APOB: variants seen among roughly 807,000 people sequenced by gnomAD.
APOB encodes apolipoprotein B, also known as apolipoprotein B-100.
APOB carries 153 observed loss-of-function variants against 314.1 expected under a neutral mutation model. The ratio of observed to expected loss-of-function variants is 0.49; its 90% CI spans 0.43 to 0.56. The LOEUF (loss-of-function observed/expected upper bound fraction) is 0.56, where lower values mean the gene tolerates loss of function less well. Among genes scored for constraint, APOB ranks in the 20% least tolerant of loss-of-function variants. APOB has a pLI of 0.00. For synonymous variants in APOB, 2,087 were observed against 2,036.4 expected, an observed-to-expected ratio of 1.02 and a Z score of -0.67; for missense variants, 5,430 against 5,350.7, an observed-to-expected ratio of 1.01 and a Z score of -0.46.
chr2:21,043,380 G>T, intron 2 of APOB, 133 bp downstream of exon 2: 2 of 1,054,878 alleles, frequency 1.9e-6, no homozygotes, highest in Non-Finnish European at 2.9e-6. Context: ...CAGGGAACTT[G>T]CTTCCTGGGG....
Position 21,004,320 on chromosome 2 carries a change from A to G in APOB, c.12036T>C (p.Asp4012=), listed in dbSNP as rs758270864. Residue 4012 remains aspartate (D), a synonymous_variant, in exon 28 of 29, where the codon GAT becomes GAC. Coordinates refer to ENST00000233242, the MANE Select transcript of APOB (RefSeq NM_000384.3). ...ASPAVGTVGM[D]MDEDDDFSKW... is the part of the protein sequence containing the mutation. ...TAGAAAAGTCGTCATCTTCATCCAT[A>G]TCCATGCCCACGGTGCCTACGGCTG... 4 of 1,613,816 alleles carry G rather than the reference A, an allele frequency of 2.5e-6. No individual in the cohort carries two copies. In the South Asian group the frequency reaches 4.4e-5, roughly 18 times the overall value.
chr2:21,010,318 A>C lies in APOB; in HGVS notation c.6550T>G (p.Tyr2184Asp). 6.4e-7 allele frequency: 1 copy of C among 1,555,766 alleles called. No homozygotes were observed. The highest frequency in any genetic ancestry group is 1.2e-5 in the South Asian group (1 of 80,432). Residue 2184 changes from tyrosine to aspartate, a missense_variant, in exon 26 of 29, where the codon TAT becomes GAT. By Grantham distance (160) the Tyr-to-Asp change is radical. Around this residue, in one of 3 missense-constraint regions of APOB, gnomAD observed 3,281 missense variants for 3,171.0 expected, o/e 1.03. Coordinates refer to ENST00000233242, the MANE Select transcript of APOB (RefSeq NM_000384.3). The part of the protein sequence containing the change: ...LQTYMIQFDQ[Y>D]IKDSYDLHDL... ...TGTAAATCATAACTATCTTTAATAT[A>C]CTGATCAAATTGTATCATATATGTC...
At chr2:21,036,796 G>A (rs1456029038) in intron 6 of APOB, among the ~76,000 whole-genome samples, 2 of 152,182 alleles carry the variant, frequency 1.3e-5, no homozygotes, top group Non-Finnish European at 2.9e-5. Context: ...TCTCAGAGGT[G>A]AGTAGTCATT....
intron 17 of APOB, 91 bp downstream of exon 17, chr2:21,023,434 G>T: frequency 6.8e-7 from 1 of 1,469,390 alleles, no homozygotes; most frequent in South Asian, 1.1e-5. Flanking sequence ...TTGTCTTGAA[G>T]TGGAAACACA....
intron 12 of APOB, 42 bp from the exon 13 acceptor site, chr2:21,028,580 A>T: frequency 7.5e-7 from 1 of 1,338,502 alleles, no homozygotes; most frequent in Non-Finnish European, 1.1e-6. Flanking sequence ...TCCTGTGGTC[A>T]GAACACAGAA....
Position 21,033,617 on chromosome 2 carries a change from A to G in APOB, c.905-99T>C, listed in dbSNP as rs78610189. The G allele has an allele frequency of 4.9e-6, 5 of 1,020,946 alleles. No individual in the cohort carries two copies. In the Middle Eastern group the frequency reaches 8.5e-4, roughly 175 times the overall value. 63.2% of individuals were successfully genotyped at this position (1,020,946 alleles called of 1,614,324 possible). On this transcript the variant is annotated intron_variant, in intron 8 of 28. Coordinates refer to ENST00000233242, the MANE Select transcript of APOB (RefSeq NM_000384.3). ...AAATTGTGGAGTATCAGCACAGGGG[A>G]AAAGGGAAAGAAACTATCCTGTATT...
chr2:21,026,569 C>T (rs553931941), intron 15 of APOB, among the ~76,000 whole-genome samples: 1 of 152,194 alleles, frequency 6.6e-6, no homozygotes, highest in East Asian at 1.9e-4. Flanking sequence ...CTCTTGTTAT[C>T]CTAGAGTACT....
In APOB at chr2:21,009,291, A is replaced by G. The variant is rs373272476; in HGVS notation, c.7577T>C (p.Met2526Thr). 2.4e-5 allele frequency: 39 copies of G among 1,614,116 alleles called. No individual in the cohort carries two copies. The African/African-American group carries it at 4.9e-4, about 20-fold the overall frequency. The change falls in exon 26 of 29, where the codon ATG becomes ACG. Residue 2526 changes from methionine to threonine, a missense_variant. This residue lies in a region of APOB where 3,281 missense variants were observed against 3,171.0 expected (regional missense o/e 1.03). Coordinates refer to ENST00000233242, the MANE Select transcript of APOB (RefSeq NM_000384.3). ...TCGTTGAAGTTCCTGCTGAATGTCC[A>G]TTTGATACATTCGGTCTCGTGTATC... is the stretch of plus-strand genomic sequence containing the variant. ...LEDTRDRMYQ[M>T]DIQQELQRYL...
intron 12 of APOB, among the ~76,000 whole-genome samples, chr2:21,029,022 A>G (rs765131727): frequency 3.3e-5 from 5 of 152,208 alleles, no homozygotes; most frequent in African/African-American, 9.6e-5. Context: ...GGGATGGTCA[A>G]TCTGGTAGGT....
chr2:21,002,165 C>T lies in APOB; in HGVS notation c.13257G>A (p.Lys4419=), dbSNP rs1297607855. The T allele has an allele frequency of 6.2e-7, 1 of 1,613,962 alleles. No homozygotes were observed. The highest frequency in any genetic ancestry group is 8.5e-7 in the Non-Finnish European group (1 of 1,179,968). The change falls in exon 29 of 29, where the codon AAG becomes AAA. Residue 4419 remains lysine (K), a synonymous_variant. Transcript: ENST00000233242. ...TGACAATATATTCAGAATGGAAGTC[C>T]TTAAGAGCAACTAACAGGTTCTTGA... ...SLIKNLLVAL[K]DFHSEYIVSA...
intron 25 of APOB, among the ~76,000 whole-genome samples, chr2:21,012,924 C>T (rs1053172587): frequency 6.6e-6 from 1 of 152,230 alleles, no homozygotes; most frequent in Non-Finnish European, 1.5e-5. Flanking sequence ...GCACCTCTCA[C>T]ACTGAATTAT....
At chr2:21,020,802 A>G (rs1191659816) in intron 18 of APOB, among the ~76,000 whole-genome samples, 1 of 152,202 alleles carries the variant, frequency 6.6e-6, no homozygotes, top group Non-Finnish European at 1.5e-5. Flanking sequence ...TCCTAATGCC[A>G]GCTTTCGCCT....
chr2:21,012,526 C>T lies in APOB; in HGVS notation c.4342G>A (p.Val1448Ile). Residue 1448 changes from valine to isoleucine, a missense_variant, in exon 26 of 29, where the codon GTC becomes ATC. Physicochemically the swap from Val to Ile is conservative, Grantham distance 29 (BLOSUM62 3). This residue lies in a region of APOB where 2,085 missense variants were observed against 2,079.7 expected (regional missense o/e 1.00). Transcript: ENST00000233242. ...SHVEKLGNNP[V>I]SKGLLIFDAS... is the part of the protein sequence containing the mutation. ...TCGAATATTAGTAAACCTTTTGAGACTGGGTTGTTTCCAAGTTTTTCTACA... is the reference window on the plus strand; with the variant it reads ...TCGAATATTAGTAAACCTTTTGAGATTGGGTTGTTTCCAAGTTTTTCTACA... 1 of 1,614,224 alleles carries T rather than the reference C, an allele frequency of 6.2e-7. No homozygotes were observed. Among genetic ancestry groups the T allele is most frequent in the Non-Finnish European group, 8.5e-7 (1 of 1,180,040 alleles).
chr2:21,008,454 T>C lies in APOB; in HGVS notation c.8414A>G (p.Asn2805Ser), dbSNP rs1212288039. The C allele has an allele frequency of 1.2e-6, 2 of 1,614,120 alleles. No homozygotes were observed. The highest frequency in any genetic ancestry group is 8.5e-7 in the Non-Finnish European group (1 of 1,179,974). The change falls in exon 26 of 29, where the codon AAT (asparagine) becomes AGT (serine). Residue 2805 changes from asparagine (N) to serine (S), a missense_variant. Asn to Ser is a conservative substitution (Grantham distance 46). Around this residue, in one of 3 missense-constraint regions of APOB, gnomAD observed 3,281 missense variants for 3,171.0 expected, o/e 1.03. Transcript: ENST00000233242. Reference sequence around the variant, plus strand: ...TTGTGCATTTGCTTGAAAATCAAAATTGAGAACTTCTAATTTGGACTCTCC... The same window carrying C: ...TTGTGCATTTGCTTGAAAATCAAAACTGAGAACTTCTAATTTGGACTCTCC... ...AKGESKLEVL[N>S]FDFQANAQLS...
intron 21 of APOB, among the ~76,000 whole-genome samples, chr2:21,016,027 C>T (rs564357071): frequency 6.6e-6 from 1 of 152,302 alleles, no homozygotes; most frequent in South Asian, 2.1e-4. Flanking sequence ...CAGTGGCTTA[C>T]ACCTGTAATC....
At position 21,008,112 on chromosome 2, in the gene APOB, A is replaced by C; in HGVS notation, c.8756T>G (p.Ile2919Arg). The change falls in exon 26 of 29, where the codon ATA becomes AGA. Residue 2919 changes from isoleucine (I) to arginine (R), a missense_variant. Transcript: ENST00000233242. Reference protein sequence around the residue: ...EIKTLLKAGHIAWTSSGKGSW... With the variant: ...EIKTLLKAGHRAWTSSGKGSW... Reference sequence around the variant, plus strand: ...CCCTTTTCCAGAAGAAGTCCATGCTATGTGGCCAGCTTTCAACAGTGTCTT... The same window carrying C: ...CCCTTTTCCAGAAGAAGTCCATGCTCTGTGGCCAGCTTTCAACAGTGTCTT... 1 of 1,613,988 alleles carries C rather than the reference A, an allele frequency of 6.2e-7. No homozygotes were observed. The highest frequency in any genetic ancestry group is 1.1e-5 in the South Asian group (1 of 91,060).
In APOB at chr2:21,008,392, C is replaced by G. The variant is rs144316603; in HGVS notation, c.8476G>C (p.Glu2826Gln). The G allele has an allele frequency of 1.2e-6, 2 of 1,614,082 alleles. No homozygotes were observed. The highest frequency in any genetic ancestry group is 2.2e-5 in the East Asian group (1 of 44,880). ...NPKINPLALK[E>Q]SVKFSSKYLR... The stretch of plus-strand genomic sequence containing the variant: ...TACTTGCTGGAGAACTTCACTGACT[C>G]CTTCAGAGCCAGCGGATTAATCTTA... Residue 2826 changes from glutamate to glutamine, a missense_variant, in exon 26 of 29, where the codon GAG becomes CAG. Physicochemically the swap from Glu to Gln is conservative, Grantham distance 29 (BLOSUM62 2). Coordinates refer to ENST00000233242, the MANE Select transcript of APOB (RefSeq NM_000384.3).
At chr2:21,024,260 TTAGA>T (rs1663681334) in intron 16 of APOB, 2 of 152,472 alleles carry the variant, frequency 1.3e-5, no homozygotes. Context: ...TATAGCATAT[TTAGA>T]TAGTGAATTA....
At chr2:21,030,495 A>G (rs1444861373) in intron 10 of APOB, among the ~76,000 whole-genome samples, 1 of 152,236 alleles carries the variant, frequency 6.6e-6, no homozygotes, top group Non-Finnish European at 1.5e-5. Context: ...AGACTATAAA[A>G]ATGCAAGAAG....
Sources: allele counts gnomAD v4.1 joint callset (sites outside exome capture counted in the v4.1 genomes callset), GRCh38; gene constraint gnomAD v4.1.1; regional missense constraint gnomAD v4.1.1; transcripts MANE v1.5; gene names NCBI Gene and HGNC (gene_info 2026-07-23, HGNC 2026-07-21).